CARD10: variants seen among roughly 807,000 people sequenced by gnomAD.
CARD10 encodes the protein caspase recruitment domain-containing protein 10.
In CARD10, 49 loss-of-function variants were observed where a neutral mutation model predicts 114.6. The ratio of observed to expected loss-of-function variants is 0.43; its 90% CI spans 0.34 to 0.54. CARD10 has a LOEUF of 0.54. CARD10 is among the 20% of genes least tolerant of loss of function. The probability of loss-of-function intolerance (pLI) is 0.03; values close to 1 mark genes in which losing one functional copy is unlikely to be tolerated. For synonymous variants in CARD10, 602 were observed against 593.2 expected, an observed-to-expected ratio of 1.01 and a Z score of -0.21; for missense variants, 1,206 against 1,397.2, an observed-to-expected ratio of 0.86 and a Z score of 2.18.
intron 10 of CARD10, 43 bp from the exon 11 acceptor site, chr22:37,502,768 C>T (rs1200615187): frequency 6.3e-7 from 1 of 1,592,730 alleles, no homozygotes; most frequent in Admixed American, 1.7e-5. Flanking sequence ...CACTGGGAAA[C>T]AGGGATGGCC....
chr22:37,490,837 G>C lies in CARD10; in HGVS notation c.*322C>G. On this transcript the variant is annotated 3_prime_UTR_variant, in exon 20 of 20. Transcript: ENST00000251973. ...TGAGAACTTGAGTGTGCAAACCTGC[G>C]CACAGGTGTGAGAACAGACTCCAGG... 2.8e-6 allele frequency: 1 copy of C among 356,386 alleles called. No homozygotes were observed. The highest frequency in any genetic ancestry group is 5.1e-6 in the Non-Finnish European group (1 of 194,446). The allele number at this position is 356,386 out of a possible 1,614,324, so 22.1% of individuals were successfully genotyped here. A position where few individuals can be genotyped will look rare whatever the true frequency, so the allele number is the denominator to read the frequency against.
chr22:37,500,113 G>C (rs1183950279), intron 11 of CARD10, among the ~76,000 whole-genome samples: 3 of 152,186 alleles, frequency 2.0e-5, no homozygotes, highest in Non-Finnish European at 4.4e-5. Context: ...ACCAGGTCAG[G>C]GACCTGATGC....
rs1204136797 is a variant in CARD10 at position 37,519,005 on chromosome 22, G to T, written c.196C>A (p.Leu66Met). 1.7e-5 allele frequency: 27 copies of T among 1,587,308 alleles called. No homozygotes were observed. The highest frequency in any genetic ancestry group is 2.3e-5 in the Non-Finnish European group (27 of 1,173,288). Reference sequence around the variant, plus strand: ...CGGCACGGGAAGCGGTAGGTGCTCAGCACCTCCTCCTCGTCCTGCTCGTCG... The same window carrying T: ...CGGCACGGGAAGCGGTAGGTGCTCATCACCTCCTCCTCGTCCTGCTCGTCG... The part of the protein sequence containing the change: ...VIDEQDEEEV[L>M]STYRFPCRVN... Residue 66 changes from leucine to methionine, a missense_variant, in exon 1 of 20, where the codon CTG becomes ATG. Leu to Met is a conservative substitution (Grantham distance 15). Around this residue, in one of 2 missense-constraint regions of CARD10, gnomAD observed 138 missense variants for 218.0 expected, o/e 0.63. Coordinates refer to ENST00000251973, the MANE Select transcript of CARD10 (RefSeq NM_014550.4). The surrounding 1 kb of genome is among the most constrained non-coding windows in gnomAD (Gnocchi z 4.1).
At chr22:37,511,081 C>CAAAAAAAAA in intron 3 of CARD10, among the ~76,000 whole-genome samples, 1 of 92,078 alleles carries the variant, frequency 1.1e-5, no homozygotes, top group Non-Finnish European at 2.3e-5. Flanking sequence ...GACTCTGTCT[C>CAAAAAAAAA]AAAAAAAAAA....
intron 18 of CARD10, 76 bp from the exon 19 acceptor site, chr22:37,491,943 TC>T: frequency 1.0e-6 from 1 of 991,374 alleles, no homozygotes; most frequent in South Asian, 1.3e-5. Context: ...CCCAGACGGG[TC>T]CCCTATCACC....
Position 37,518,086 on chromosome 22 carries a change from G to A in CARD10, c.258C>T (p.Arg86=), listed in dbSNP as rs1473242573. The A allele has an allele frequency of 1.2e-6, 2 of 1,613,792 alleles. No individual in the cohort carries two copies. Among genetic ancestry groups the A allele is most frequent in the South Asian group, 1.1e-5 (1 of 91,082 alleles). Residue 86 remains arginine (R), a synonymous_variant, in exon 2 of 20, where the codon CGC becomes CGT. Transcript: ENST00000251973. ...CCTCATAGCCCCTCTTGCCACGGCAGCGCAAGATGTCCATCAGGCGCCCTA... is the reference window on the plus strand; with the variant it reads ...CCTCATAGCCCCTCTTGCCACGGCAACGCAAGATGTCCATCAGGCGCCCTA... The part of the protein sequence containing the change: ...NRTGRLMDIL[R]CRGKRGYEAF...
chr22:37,491,361 G>A lies in CARD10; in HGVS notation c.2897C>T (p.Ser966Leu). The change falls in exon 20 of 20, where the codon TCA becomes TTA. Residue 966 changes from serine to leucine, a missense_variant. Ser to Leu is a moderately radical substitution (Grantham distance 145, BLOSUM62 -2). Transcript: ENST00000251973. ...GCCACGGCACTGCCGCAGCAGCTCT[G>A]AGTCCCGCCAGCCCGGCCGGCCCAG... ...GLLGRPGWRD[S>L]ELLRQCRGSE... 6 of 1,520,654 alleles carry A rather than the reference G, an allele frequency of 3.9e-6. No individual in the cohort carries two copies. Among genetic ancestry groups the A allele is most frequent in the Non-Finnish European group, 5.3e-6 (6 of 1,135,336 alleles). The allele number at this position is 1,520,654 out of a possible 1,614,324, so 94.2% of individuals were successfully genotyped here.
chr22:37,506,378 G>C lies in CARD10; in HGVS notation c.1197C>G (p.Ile399Met). 1 of 1,584,188 alleles carries C rather than the reference G, an allele frequency of 6.3e-7. No individual in the cohort carries two copies. The highest frequency in any genetic ancestry group is 1.2e-5 in the South Asian group (1 of 86,414). ...EEIEKERDQA[I>M]QSRDRIQLQY... ...GCAACTGGATCCGGTCACGGCTCTG[G>C]ATGGCCTAGGGTTGGGGGAGGGGAG... Residue 399 changes from isoleucine (I) to methionine (M), a missense_variant, in exon 7 of 20, where the codon ATC becomes ATG. By Grantham distance (10) the Ile-to-Met change is conservative. Around this residue, in one of 2 missense-constraint regions of CARD10, gnomAD observed 1,068 missense variants for 1,179.1 expected, o/e 0.91. Transcript: ENST00000251973.
At position 37,492,445 on chromosome 22, in the gene CARD10, G is replaced by A. The variant is rs1262605832; in HGVS notation, c.2741C>T (p.Ser914Phe). Residue 914 changes from serine to phenylalanine, a missense_variant, in exon 18 of 20, where the codon TCT becomes TTT. Around this residue, in one of 2 missense-constraint regions of CARD10, gnomAD observed 1,068 missense variants for 1,179.1 expected, o/e 0.91. Coordinates refer to ENST00000251973, the MANE Select transcript of CARD10 (RefSeq NM_014550.4). This position sits in a 1 kb window ranked among gnomAD's most constrained non-coding sequence, Gnocchi z 5.7. ...GCCCCCAGCACCCACCTTCCCAACA[G>A]ACTCCTGGATGGCCCGGATCCTGCT... ...LGSRIRAIQE[S>F]VGKKHCLLEL... 6.4e-7 allele frequency: 1 copy of A among 1,567,104 alleles called. No individual in the cohort carries two copies. Among genetic ancestry groups the A allele is most frequent in the Admixed American group, 1.9e-5 (1 of 53,948 alleles).
intron 11 of CARD10, among the ~76,000 whole-genome samples, chr22:37,499,931 T>G (rs1330766182): frequency 6.6e-6 from 1 of 151,924 alleles, no homozygotes; most frequent in East Asian, 1.9e-4. Flanking sequence ...CACAGTGTCC[T>G]TAGCTACCAG....
chr22:37,496,011 T>C lies in CARD10; in HGVS notation c.2060-8A>G. ...CGTGGAAGGACTGGCAGGCTGGGCA[T>C]GGATGGGGCAGGGGGCAGCAAGGAG... is the stretch of plus-strand genomic sequence containing the variant. On this transcript the variant is annotated splice_polypyrimidine_tract_variant and splice_region_variant and intron_variant, in intron 13 of 19. Coordinates refer to ENST00000251973, the MANE Select transcript of CARD10 (RefSeq NM_014550.4). The surrounding 1 kb of genome is among the most constrained non-coding windows in gnomAD (Gnocchi z 4.1). 1 of 1,613,066 alleles carries C rather than the reference T, an allele frequency of 6.2e-7. No individual in the cohort carries two copies. The highest frequency in any genetic ancestry group is 1.1e-5 in the South Asian group (1 of 91,062).
intron 4 of CARD10, 143 bp from the exon 5 acceptor site, chr22:37,508,825 G>A: frequency 4.9e-6 from 6 of 1,221,834 alleles, no homozygotes; most frequent in Admixed American, 2.4e-5. Context: ...GACCCTCTCT[G>A]GATCTCTGTC....
intron 5 of CARD10, 26 bp downstream of exon 5, chr22:37,508,501 G>A (rs1301309313): frequency 1.3e-6 from 2 of 1,565,180 alleles, no homozygotes; most frequent in Non-Finnish European, 1.7e-6. Context: ...TCCCGCACAA[G>A]GGGCAGGGCA....
At chr22:37,511,728 C>T (rs543083124) in intron 3 of CARD10, among the ~76,000 whole-genome samples, 2 of 152,132 alleles carry the variant, frequency 1.3e-5, no homozygotes, top group South Asian at 4.2e-4. Flanking sequence ...CTCCCCGCAA[C>T]AAGCCAACAT....
At position 37,495,489 on chromosome 22, in the gene CARD10, CA is replaced by C. The variant is rs1179146391; in HGVS notation, c.2373+27del. The C allele has an allele frequency of 1.9e-6, 3 of 1,586,456 alleles. No individual in the cohort carries two copies. In the African/African-American group the frequency reaches 4.0e-5, roughly 21 times the overall value. On this transcript the variant is annotated intron_variant, in intron 15 of 19. Coordinates refer to ENST00000251973, the MANE Select transcript of CARD10 (RefSeq NM_014550.4). ...TTTGGACCCCACCCTTGGGGCCCCC[CA>C]CCCACTACCTGCCCAGCCGTGCTCA...
Position 37,516,225 on chromosome 22 carries a change from G to A in CARD10, c.447C>T (p.Ser149=), listed in dbSNP as rs747277494. 2 of 1,603,756 alleles carry A rather than the reference G, an allele frequency of 1.2e-6. No individual in the cohort carries two copies. Among genetic ancestry groups the A allele is most frequent in the South Asian group, 1.1e-5 (1 of 90,064 alleles). ...GCAGTTGCTGCTCCCGCTGCAGCTG[G>A]CTCTTGCGAGCTTCCCGCAGCCGTC... The part of the protein sequence containing the change: ...EVRRLREARK[S]QLQREQQLQA... Residue 149 remains serine, a synonymous_variant, in exon 3 of 20, where the codon AGC becomes AGT. Transcript: ENST00000251973.
Position 37,492,670 on chromosome 22 carries a change from CG to C in CARD10, c.2608del (p.Arg870GlyfsTer35). The part of the protein sequence containing the change: ...IRNLLDLPSS[R>X]LDFQVCPAES... ...CGCTGGGCACACTTGGAAGTCCAGC[CG>C]GGAGCTGGGCAGGTCTAGCAGGTTA... On this transcript the variant is annotated frameshift_variant, in exon 17 of 20. Transcript: ENST00000251973. LOFTEE classifies it high-confidence loss of function. This position sits in a 1 kb window ranked among gnomAD's most constrained non-coding sequence, Gnocchi z 5.7. 2 of 1,612,998 alleles carry C rather than the reference CG, an allele frequency of 1.2e-6. No individual in the cohort carries two copies. The highest frequency in any genetic ancestry group is 1.7e-6 in the Non-Finnish European group (2 of 1,179,834).
intron 10 of CARD10, 92 bp from the exon 11 acceptor site, chr22:37,502,817 G>A: frequency 6.8e-7 from 1 of 1,468,116 alleles, no homozygotes; most frequent in Non-Finnish European, 9.1e-7. Context: ...CCAGCCCAGA[G>A]AGGCCTTGGC....
Position 37,497,066 on chromosome 22 carries a change from G to T in CARD10, c.1900C>A (p.Arg634Ser), listed in dbSNP as rs369951701. Residue 634 changes from arginine to serine, a missense_variant, in exon 12 of 20, where the codon CGC (arginine) becomes AGC (serine). This residue lies in a region of CARD10 where 1,068 missense variants were observed against 1,179.1 expected (regional missense o/e 0.91). Coordinates refer to ENST00000251973, the MANE Select transcript of CARD10 (RefSeq NM_014550.4). ...GACCCAGGCCCAGACAGCACCCTGC[G>T]CACCACAGCCCCAGACCATCTGTCC... ...YGDRWSGAVV[R>S]RVLSGPGSAR... The T allele has an allele frequency of 6.2e-7, 1 of 1,614,068 alleles. No individual in the cohort carries two copies. Among genetic ancestry groups the T allele is most frequent in the East Asian group, 2.2e-5 (1 of 44,872 alleles).
Sources: gnomAD v4.1 joint callset for allele counts (sites outside exome capture counted in the v4.1 genomes callset) on GRCh38, gnomAD v4.1.1 for gene constraint, gnomAD v4.1.1 regional missense constraint, Gnocchi (gnomAD v3.1) non-coding constraint, MANE v1.5 for transcripts, NCBI Gene and HGNC (gene_info 2026-07-23, HGNC 2026-07-21) for gene names.